Variants in VOPP1 observed in about 807,000 individuals in gnomAD.
The protein encoded by VOPP1 is WW domain binding protein VOPP1.
VOPP1 carries 8 observed loss-of-function variants against 23.5 expected under a neutral mutation model. That is an observed-to-expected ratio of 0.34 (90% CI 0.20 to 0.61). VOPP1 has a LOEUF of 0.61. Among genes scored for constraint, VOPP1 ranks in the 20% least tolerant of loss-of-function variants. The pLI is 0.78. For synonymous variants in VOPP1, 83 were observed against 97.3 expected, an observed-to-expected ratio of 0.85 and a Z score of 0.86; for missense variants, 174 against 238.1, an observed-to-expected ratio of 0.73 and a Z score of 1.77.
At chr7:55,545,992 G>C (rs1199727142) in intron 1 of VOPP1, among the ~76,000 whole-genome samples, 1 of 152,158 alleles carries the variant, frequency 6.6e-6, no homozygotes, top group African/African-American at 2.4e-5. Context: ...ACCTGAGCCT[G>C]AGAGGTCAAG....
intron 4 of VOPP1, 114 bp downstream of exon 4, chr7:55,492,168 T>A: frequency 7.2e-7 from 1 of 1,385,930 alleles, no homozygotes; most frequent in South Asian, 1.7e-5. Context: ...AAAAAATGAA[T>A]AACACACCTG....
chr7:55,541,774 T>C (rs1797142065), intron 1 of VOPP1, among the ~76,000 whole-genome samples: 1 of 152,222 alleles, frequency 6.6e-6, no homozygotes. Flanking sequence ...GAAAATGAAG[T>C]ACTGATTCAT....
chr7:55,517,239 G>A (rs10279080), intron 2 of VOPP1, among the ~76,000 whole-genome samples: 15,756 of 151,384 alleles, frequency 0.1, 985 homozygotes, highest in East Asian at 0.27. Context: ...ATGAGCAACC[G>A]TGCCCGGCCT....
chr7:55,486,573 G>A (rs558842929), intron 4 of VOPP1, among the ~76,000 whole-genome samples: 4 of 152,290 alleles, frequency 2.6e-5, no homozygotes, highest in East Asian at 3.9e-4. Flanking sequence ...GAGGAGGCCC[G>A]CCATATTGGG....
intron 4 of VOPP1, among the ~76,000 whole-genome samples, chr7:55,445,360 C>T (rs1323151118): frequency 1.3e-5 from 2 of 152,124 alleles, no homozygotes; most frequent in Non-Finnish European, 2.9e-5. Flanking sequence ...CTCCTACACA[C>T]TTCATATGCC....
chr7:55,564,266 T>TCTCTCTCTCTCTCTCTCTCG (rs1798088066), intron 1 of VOPP1, among the ~76,000 whole-genome samples: 1 of 150,430 alleles, frequency 6.6e-6, no homozygotes, highest in Non-Finnish European at 1.5e-5. Flanking sequence ...TCTCTCTCTC[T>TCTCTCTCTCTCTCTCTCTCG]CGCTCGCTTG....
chr7:55,564,102 G>A (rs55961275), intron 1 of VOPP1, among the ~76,000 whole-genome samples: 11,319 of 152,204 alleles, frequency 0.074, 702 homozygotes, highest in East Asian at 0.3. Context: ...GCTGCCCTTA[G>A]GCTATAGGAA....
intron 1 of VOPP1, among the ~76,000 whole-genome samples, chr7:55,566,367 AT>A (rs1032793746): frequency 1.3e-5 from 2 of 152,148 alleles, no homozygotes; most frequent in Non-Finnish European, 2.9e-5. Flanking sequence ...AGCCTGACCA[AT>A]ATGGTGAAAC....
chr7:55,450,471 G>C (rs1300602443), intron 4 of VOPP1, among the ~76,000 whole-genome samples: 1 of 152,186 alleles, frequency 6.6e-6, no homozygotes, highest in Admixed American at 6.5e-5. Context: ...AAGTGGAAGT[G>C]TGCATTGAGT....
At chr7:55,438,232 C>T (rs917243314) in intron 4 of VOPP1, among the ~76,000 whole-genome samples, 1 of 151,896 alleles carries the variant, frequency 6.6e-6, no homozygotes, top group Non-Finnish European at 1.5e-5. Flanking sequence ...CTTATCTCTC[C>T]GAGGATGTTA....
At chr7:55,508,472 T>C (rs1450716493) in intron 2 of VOPP1, among the ~76,000 whole-genome samples, 1 of 152,178 alleles carries the variant, frequency 6.6e-6, no homozygotes, top group Admixed American at 6.5e-5. Context: ...TTTCACTATG[T>C]TGCCAGGCTG....
At chr7:55,550,683 C>T (rs1797568758) in intron 1 of VOPP1, among the ~76,000 whole-genome samples, 1 of 152,290 alleles carries the variant, frequency 6.6e-6, no homozygotes, top group Admixed American at 6.5e-5. Context: ...AAGGATTATA[C>T]AGCCGCTAAC....
At chr7:55,505,273 A>G (rs1794634313) in intron 2 of VOPP1, among the ~76,000 whole-genome samples, 1 of 152,152 alleles carries the variant, frequency 6.6e-6, no homozygotes, top group South Asian at 2.1e-4. Flanking sequence ...GAGAGACGAG[A>G]CTGGGGCCTG....
At chr7:55,482,940 A>G (rs1429616975) in intron 4 of VOPP1, among the ~76,000 whole-genome samples, 1 of 152,244 alleles carries the variant, frequency 6.6e-6, no homozygotes, top group Non-Finnish European at 1.5e-5. Context: ...AAACAAAAGC[A>G]AAAATAACTG....
chr7:55,497,073 T>C (rs1162135531), intron 3 of VOPP1, among the ~76,000 whole-genome samples: 1 of 152,214 alleles, frequency 6.6e-6, no homozygotes. Flanking sequence ...TGGAATGTGC[T>C]CCCACCCTTC....
intron 2 of VOPP1, among the ~76,000 whole-genome samples, 154 bp from the exon 3 acceptor site, chr7:55,497,844 C>T (rs955723446): frequency 2.6e-5 from 4 of 152,236 alleles, no homozygotes; most frequent in Non-Finnish European, 2.9e-5. Flanking sequence ...TTTCACAGAA[C>T]CAGCAGAGCA....
intron 4 of VOPP1, among the ~76,000 whole-genome samples, chr7:55,476,147 G>A (rs531419554): frequency 8.5e-5 from 13 of 152,318 alleles, no homozygotes; most frequent in East Asian, 1.9e-4. Flanking sequence ...CCTCCCAGCC[G>A]GGCTGCACTC....
chr7:55,484,897 A>G (rs1384297384), intron 4 of VOPP1, among the ~76,000 whole-genome samples: 1 of 152,176 alleles, frequency 6.6e-6, no homozygotes, highest in African/African-American at 2.4e-5. Flanking sequence ...TTGTGAGGGC[A>G]GCCCCGGGAC....
chr7:55,553,256 ATATT>A (rs766489444), intron 1 of VOPP1, among the ~76,000 whole-genome samples: 188 of 152,322 alleles, frequency 1.2e-3, no homozygotes, highest in Non-Finnish European at 1.6e-3. Context: ...TTTTAGATTC[ATATT>A]TTAGTTCCAA....
Sources: gnomAD v4.1 joint callset for allele counts (sites outside exome capture counted in the v4.1 genomes callset) on GRCh38, gnomAD v4.1.1 for gene constraint, MANE v1.5 for transcripts, NCBI Gene and HGNC (gene_info 2026-07-23, HGNC 2026-07-21) for gene names.